The following MACROD1 variants were observed in gnomAD, a reference collection of about 807,000 sequenced individuals.
MACROD1 encodes ADP-ribose glycohydrolase MACROD1.
A neutral mutation model predicts 41.4 loss-of-function variants in MACROD1; 31 were observed. The ratio of observed to expected loss-of-function variants is 0.75; its 90% confidence interval spans 0.56 to 1.01. The LOEUF (loss-of-function observed/expected upper bound fraction) is 1.01, where lower values mean the gene tolerates loss of function less well. MACROD1 is among the 50% of genes least tolerant of loss of function. The pLI is 0.00. For synonymous variants in MACROD1, 252 were observed against 203.4 expected, an observed-to-expected ratio of 1.24 and a Z score of -2.03; for missense variants, 473 against 460.0, an observed-to-expected ratio of 1.03 and a Z score of -0.26.
chr11:64,001,399 G>C (rs1942823209), intron 4 of MACROD1: 1 of 702,094 alleles, frequency 1.4e-6, no homozygotes, highest in African/African-American at 1.7e-5. Context: ...TCAGGCACCA[G>C]CTGCCTGGTG....
chr11:64,013,619 C>T (rs1698166510), intron 4 of MACROD1, among the ~76,000 whole-genome samples: 2 of 152,174 alleles, frequency 1.3e-5, no homozygotes, highest in African/African-American at 4.8e-5. Flanking sequence ...GGGTGGTGGG[C>T]AGAAGAGACT....
chr11:64,107,969 CT>C (rs1944792807), intron 3 of MACROD1, among the ~76,000 whole-genome samples: 2 of 152,172 alleles, frequency 1.3e-5, no homozygotes, highest in African/African-American at 4.8e-5. Flanking sequence ...GAATACGACT[CT>C]GCTAAACATT....
At chr11:64,130,251 T>TA (rs1945246449) in intron 3 of MACROD1, among the ~76,000 whole-genome samples, 1 of 152,210 alleles carries the variant, frequency 6.6e-6, no homozygotes, top group African/African-American at 2.4e-5. Flanking sequence ...AGAGGCACCT[T>TA]AAGTCCCGGG....
intron 3 of MACROD1, among the ~76,000 whole-genome samples, chr11:64,099,363 T>C (rs1324086194): frequency 6.6e-6 from 1 of 152,212 alleles, no homozygotes; most frequent in Middle Eastern, 3.2e-3. Context: ...TCTCTTTGGA[T>C]CCCCAATGTC....
At chr11:64,126,929 G>A (rs141231215) in intron 3 of MACROD1, 44 of 152,208 alleles carry the variant, frequency 2.9e-4, no homozygotes, top group African/African-American at 9.4e-4. Flanking sequence ...CCTGAGTGAC[G>A]GGCCTGACCG....
chr11:64,109,251 G>A (rs982761520), intron 3 of MACROD1, among the ~76,000 whole-genome samples: 3 of 152,160 alleles, frequency 2.0e-5, no homozygotes, highest in Non-Finnish European at 4.4e-5. Flanking sequence ...CAGCAGCAGG[G>A]TCCCCAGCAA....
At chr11:64,024,404 A>G (rs1943198425) in intron 3 of MACROD1, among the ~76,000 whole-genome samples, 1 of 152,190 alleles carries the variant, frequency 6.6e-6, no homozygotes, top group African/African-American at 2.4e-5. Context: ...ATGAGAAAAT[A>G]GAGGTTCGCA....
intron 3 of MACROD1, among the ~76,000 whole-genome samples, chr11:64,062,235 G>A (rs1328294616): frequency 6.6e-6 from 1 of 152,116 alleles, no homozygotes; most frequent in Admixed American, 6.5e-5. Flanking sequence ...GCTTCTTGGA[G>A]TACTCCCTGT....
intron 4 of MACROD1, among the ~76,000 whole-genome samples, chr11:64,013,466 G>A (rs750424570): frequency 2.6e-5 from 4 of 152,244 alleles, no homozygotes; most frequent in East Asian, 3.9e-4. Flanking sequence ...AGGAGTGGGC[G>A]GGGCCTGTCC....
chr11:64,079,026 G>C (rs776140640), intron 3 of MACROD1, among the ~76,000 whole-genome samples: 13 of 151,466 alleles, frequency 8.6e-5, no homozygotes, highest in Non-Finnish European at 1.8e-4. Context: ...ATGGGACTGG[G>C]TTCCCAGGGG....
In MACROD1 at chr11:64,151,351, C is replaced by A; in HGVS notation, c.405G>T (p.Val135=). Residue 135 remains valine, a synonymous_variant, in exon 3 of 11, where the codon GTG becomes GTT. Coordinates refer to ENST00000255681, the MANE Select transcript of MACROD1 (RefSeq NM_014067.4). ...ACCTGGGCTCCTCCACCTTCACAGC[C>A]ACCCCTGGAACAAGTAGGGGCCGGG... ...IPTWKEMAKG[V]AVKVEEPRYK... is the part of the protein sequence containing the mutation. The A allele has an allele frequency of 6.2e-7, 1 of 1,612,566 alleles. No individual in the cohort carries two copies. The highest frequency in any genetic ancestry group is 1.7e-5 in the Admixed American group (1 of 60,022).
chr11:64,140,406 G>A (rs572164070), intron 3 of MACROD1, among the ~76,000 whole-genome samples: 1 of 152,338 alleles, frequency 6.6e-6, no homozygotes, highest in Admixed American at 6.5e-5. Flanking sequence ...CGTCCCCTCG[G>A]CCATGCCAGG....
intron 4 of MACROD1, among the ~76,000 whole-genome samples, chr11:64,012,347 C>T (rs1029162234): frequency 6.6e-6 from 1 of 152,158 alleles, no homozygotes; most frequent in African/African-American, 2.4e-5. Context: ...TGGGTAAGTC[C>T]GTTGCTTAAT....
chr11:64,102,279 C>T (rs1306922262), intron 3 of MACROD1, among the ~76,000 whole-genome samples: 3 of 152,126 alleles, frequency 2.0e-5, no homozygotes, highest in African/African-American at 4.8e-5. Context: ...GGGGAGGGCT[C>T]GGGGTTTTGT....
At chr11:64,014,481 C>T (rs1265787956) in intron 4 of MACROD1, among the ~76,000 whole-genome samples, 1 of 152,248 alleles carries the variant, frequency 6.6e-6, no homozygotes. Context: ...GCCACCGCTG[C>T]CGTAAACACG....
intron 3 of MACROD1, among the ~76,000 whole-genome samples, chr11:64,134,514 G>A (rs527812606): frequency 6.6e-6 from 1 of 152,314 alleles, no homozygotes; most frequent in East Asian, 1.9e-4. Context: ...CAGCAGCCCC[G>A]CTGAGACTTG....
chr11:64,033,833 C>T (rs942164135), intron 3 of MACROD1, among the ~76,000 whole-genome samples: 8 of 152,064 alleles, frequency 5.3e-5, no homozygotes, highest in South Asian at 2.1e-4. Context: ...AAGAGTGAAA[C>T]GCCGCCCCCC....
chr11:64,032,273 T>C (rs1266429574), intron 3 of MACROD1, among the ~76,000 whole-genome samples: 5 of 152,214 alleles, frequency 3.3e-5, no homozygotes, highest in African/African-American at 1.2e-4. Context: ...TATACTTCAC[T>C]GTATACGAAG....
chr11:64,141,316 C>T (rs1253786769), intron 3 of MACROD1, among the ~76,000 whole-genome samples: 1 of 152,228 alleles, frequency 6.6e-6, no homozygotes, highest in Non-Finnish European at 1.5e-5. Flanking sequence ...TGGAGAGTGT[C>T]TGAGCCCACT....
Sources: gnomAD v4.1 joint callset for allele counts (sites outside exome capture counted in the v4.1 genomes callset) on GRCh38, gnomAD v4.1.1 for gene constraint, MANE v1.5 for transcripts, NCBI Gene and HGNC (gene_info 2026-07-23, HGNC 2026-07-21) for gene names.